PPRC1: variants seen among roughly 807,000 people sequenced by gnomAD.
PPRC1 encodes the protein PPARG related coactivator 1.
Under a neutral mutation model 132.5 loss-of-function variants are expected in PPRC1, and 23 were observed. That is an observed-to-expected ratio of 0.17 (90% confidence interval 0.12 to 0.25). The LOEUF (loss-of-function observed/expected upper bound fraction) is 0.25, where lower values mean the gene tolerates loss of function less well. PPRC1 is among the 10% of genes least tolerant of loss of function. The probability of loss-of-function intolerance (pLI) is 1.00; values close to 1 mark genes in which losing one functional copy is unlikely to be tolerated. For synonymous variants in PPRC1, 872 were observed against 833.5 expected, an observed-to-expected ratio of 1.05 and a Z score of -0.80; for missense variants, 2,006 against 2,089.1, an observed-to-expected ratio of 0.96 and a Z score of 0.78.
chr10:102,139,734 C>A lies in PPRC1; in HGVS notation c.1226C>A (p.Ser409Tyr). The change falls in exon 5 of 14, where the codon TCT (serine) becomes TAT (tyrosine). Residue 409 changes from serine to tyrosine, a missense_variant. By Grantham distance (144) the Ser-to-Tyr change is moderately radical. Around this residue, in one of 2 missense-constraint regions of PPRC1, gnomAD observed 1,914 missense variants for 1,917.2 expected, o/e 1.00. Transcript: ENST00000278070. The part of the protein sequence containing the change: ...EAAVPKVTLC[S>Y]EKEGLSLNSE... ...GCTGTGCCCAAGGTAACCCTCTGCTCTGAGAAAGAGGGGTTGTCATTGAAC... is the reference window on the plus strand; with the variant it reads ...GCTGTGCCCAAGGTAACCCTCTGCTATGAGAAAGAGGGGTTGTCATTGAAC... 6.2e-7 allele frequency: 1 copy of A among 1,614,158 alleles called. No individual in the cohort carries two copies. Among genetic ancestry groups the A allele is most frequent in the Non-Finnish European group, 8.5e-7 (1 of 1,180,046 alleles).
chr10:102,140,225 C>A lies in PPRC1; in HGVS notation c.1717C>A (p.His573Asn). The A allele has an allele frequency of 6.2e-7, 1 of 1,614,220 alleles. No individual in the cohort carries two copies. Among genetic ancestry groups the A allele is most frequent in the Non-Finnish European group, 8.5e-7 (1 of 1,180,036 alleles). The change falls in exon 5 of 14, where the codon CAT (histidine) becomes AAT (asparagine). Residue 573 changes from histidine to asparagine, a missense_variant. This residue lies in a region of PPRC1 where 1,914 missense variants were observed against 1,917.2 expected (regional missense o/e 1.00). Transcript: ENST00000278070. ...TATCCAAACCAATCCTATACCAACC[C>A]ATCTCTCATTGGTCGACTCTGCCCA... Reference protein sequence around the residue: ...DTIQTNPIPTHLSLVDSAQAS... With the variant: ...DTIQTNPIPTNLSLVDSAQAS...
the PPRC1 span, chr10:102,120,529 T>G: frequency 3.5e-6 from 1 of 289,670 alleles, no homozygotes; most frequent in Non-Finnish European, 5.2e-6. Context: ...ATATGCTAAT[T>G]GTCCTGCTAG....
intron 8 of PPRC1, 124 bp downstream of exon 8, chr10:102,145,214 C>T: frequency 2.2e-6 from 2 of 911,214 alleles, no homozygotes; most frequent in Non-Finnish European, 3.3e-6. Context: ...CCTTGAGATA[C>T]TCACAGTCTA....
chr10:102,139,955 T>A lies in PPRC1; in HGVS notation c.1447T>A (p.Ser483Thr), dbSNP rs1564938378. Reference sequence around the variant, plus strand: ...CTATGCCAGGAGGCTGAGGTCATCTTCTCGCGGGCAGTCTACTGTAGGTAC... The same window carrying A: ...CTATGCCAGGAGGCTGAGGTCATCTACTCGCGGGCAGTCTACTGTAGGTAC... ...EGYARRLRSS[S>T]RGQSTVGTEV... Residue 483 changes from serine (S) to threonine (T), a missense_variant, in exon 5 of 14, where the codon TCT (serine) becomes ACT (threonine). Physicochemically the swap from Ser to Thr is moderately conservative, Grantham distance 58 (BLOSUM62 1). This residue lies in a region of PPRC1 where 1,914 missense variants were observed against 1,917.2 expected (regional missense o/e 1.00). Transcript: ENST00000278070. 1 of 1,614,070 alleles carries A rather than the reference T, an allele frequency of 6.2e-7. No individual in the cohort carries two copies.
At chr10:102,131,415 AAGAAAAGGTCC>A (rs1007491645), upstream of PPRC1, among the ~76,000 whole-genome samples, 4 of 152,082 alleles carry the variant, frequency 2.6e-5, no homozygotes, top group African/African-American at 9.7e-5. Flanking sequence ...AAGAACATCT[AAGAAAAGGTCC>A]AGAAAAGGTC....
At chr10:102,126,841 T>G in the PPRC1 span, among the ~76,000 whole-genome samples, 4 of 151,800 alleles carry the variant, frequency 2.6e-5, no homozygotes, top group Admixed American at 6.6e-5. Flanking sequence ...ACTCCTCCCC[T>G]CTTGTCCATT....
Position 102,150,234 on chromosome 10 carries a change from T to G in PPRC1, c.*205T>G. 2 of 487,452 alleles carry G rather than the reference T, an allele frequency of 4.1e-6. No homozygotes were observed. The highest frequency in any genetic ancestry group is 7.5e-6 in the Non-Finnish European group (2 of 267,620). 30.2% of individuals were successfully genotyped at this position (487,452 alleles called of 1,614,324 possible). ...TAACAGGTATTGAAACAAGTTAACT[T>G]GCATTCCTATGTAAGATAGGAGGGG... On this transcript the variant is annotated 3_prime_UTR_variant, in exon 14 of 14. Transcript: ENST00000278070.
At position 102,141,204 on chromosome 10, in the gene PPRC1, C is replaced by T. The variant is rs1225819407; in HGVS notation, c.2696C>T (p.Pro899Leu). 6.2e-6 allele frequency: 10 copies of T among 1,614,082 alleles called. No homozygotes were observed. Among genetic ancestry groups the T allele is most frequent in the African/African-American group, 1.3e-5 (1 of 75,034 alleles). ...PPSLPPPPLQ[P>L]PSLPLSMGPV... ...AGTCTGCCCCCACCTCCCTTGCAGC[C>T]TCCTAGTCTTCCATTGTCTATGGGG... The change falls in exon 5 of 14, where the codon CCT (proline) becomes CTT (leucine). Residue 899 changes from proline (P) to leucine (L), a missense_variant. Pro to Leu is a moderately conservative substitution (Grantham distance 98). This residue lies in a region of PPRC1 where 1,914 missense variants were observed against 1,917.2 expected (regional missense o/e 1.00). Transcript: ENST00000278070.
rs777732575 is a variant in PPRC1 at position 102,145,002 on chromosome 10, CT to C, written c.3609-14del. On this transcript the variant is annotated splice_polypyrimidine_tract_variant and intron_variant, in intron 7 of 13. Coordinates refer to ENST00000278070, the MANE Select transcript of PPRC1 (RefSeq NM_015062.5). ...GAGAAGGCAATGAATCAGGCTTTCC[CT>C]TTTCCCCCCCCGCCAGCGGCGTTGA... 2.5e-5 allele frequency: 37 copies of C among 1,466,948 alleles called. No homozygotes were observed. The highest frequency in any genetic ancestry group is 7.0e-5 in the East Asian group (3 of 42,956). 90.9% of individuals were successfully genotyped at this position (1,466,948 alleles called of 1,614,324 possible).
intron 1 of PPRC1, among the ~76,000 whole-genome samples, chr10:102,133,688 C>T (rs2133582496): frequency 6.6e-6 from 1 of 151,858 alleles, no homozygotes. Context: ...GGCAGCGGGT[C>T]CACGTGGGGG....
At chr10:102,142,282 T>C (rs1336757909) in intron 5 of PPRC1, among the ~76,000 whole-genome samples, 2 of 135,196 alleles carry the variant, frequency 1.5e-5, no homozygotes, top group African/African-American at 4.9e-5. Flanking sequence ...TTTCTATTTT[T>C]AGTAGAGACG....
chr10:102,141,326 C>T lies in PPRC1; in HGVS notation c.2818C>T (p.Pro940Ser). The T allele has an allele frequency of 6.2e-7, 1 of 1,614,104 alleles. No individual in the cohort carries two copies. The highest frequency in any genetic ancestry group is 8.5e-7 in the Non-Finnish European group (1 of 1,179,962). Reference protein sequence around the residue: ...SPSGYPCLPPPPTVPLVSGTP... With the variant: ...SPSGYPCLPPSPTVPLVSGTP... The stretch of plus-strand genomic sequence containing the variant: ...TTCTGGCTATCCTTGCCTGCCCCCC[C>T]CACCAACGGTGCCCCTAGTGTCTGG... The change falls in exon 5 of 14, where the codon CCA (proline) becomes TCA (serine). Residue 940 changes from proline to serine, a missense_variant. By Grantham distance (74) the Pro-to-Ser change is moderately conservative (BLOSUM62 -1). Around this residue, in one of 2 missense-constraint regions of PPRC1, gnomAD observed 1,914 missense variants for 1,917.2 expected, o/e 1.00. Coordinates refer to ENST00000278070, the MANE Select transcript of PPRC1 (RefSeq NM_015062.5).
In PPRC1 at chr10:102,139,662, C is replaced by G. The variant is rs2068867000; in HGVS notation, c.1154C>G (p.Ser385Cys). Residue 385 changes from serine (S) to cysteine (C), a missense_variant, in exon 5 of 14, where the codon TCT becomes TGT. Around this residue, in one of 2 missense-constraint regions of PPRC1, gnomAD observed 1,914 missense variants for 1,917.2 expected, o/e 1.00. Transcript: ENST00000278070. ...VLLDDSLETSSALQLLMPTLE... is the reference protein window; with the variant it reads ...VLLDDSLETSCALQLLMPTLE... ...CTGGATGACTCGCTAGAGACTAGTT[C>G]TGCCTTGCAGCTGCTTATGCCTACA... 1 of 1,614,062 alleles carries G rather than the reference C, an allele frequency of 6.2e-7. No homozygotes were observed. The highest frequency in any genetic ancestry group is 8.5e-7 in the Non-Finnish European group (1 of 1,180,036).
rs182184460 is a variant in PPRC1, at chr10:102,140,597, G to A, written c.2089G>A (p.Ala697Thr). 1.5e-5 allele frequency: 24 copies of A among 1,614,020 alleles called. No homozygotes were observed. The Admixed American group carries it at 1.7e-4, about 11-fold the overall frequency. Residue 697 changes from alanine to threonine, a missense_variant, in exon 5 of 14, where the codon GCA becomes ACA. Around this residue, in one of 2 missense-constraint regions of PPRC1, gnomAD observed 1,914 missense variants for 1,917.2 expected, o/e 1.00. Coordinates refer to ENST00000278070, the MANE Select transcript of PPRC1 (RefSeq NM_015062.5). Reference protein sequence around the residue: ...KSRPTDPRRGAVSSALGGSAP... With the variant: ...KSRPTDPRRGTVSSALGGSAP... The stretch of plus-strand genomic sequence containing the variant: ...CAGACCAACTGATCCCAGACGTGGT[G>A]CAGTGTCATCAGCCCTGGGGGGTTC...
chr10:102,133,492 G>T (rs1328093423), intron 1 of PPRC1, among the ~76,000 whole-genome samples: 1 of 152,154 alleles, frequency 6.6e-6, no homozygotes, highest in East Asian at 1.9e-4. Context: ...CGGACTTGGG[G>T]TCGAAGGCTG....
intron 6 of PPRC1, 125 bp from the exon 7 acceptor site, chr10:102,144,125 A>C (rs1204545669): frequency 1.2e-6 from 1 of 861,078 alleles, no homozygotes; most frequent in East Asian, 2.4e-5. Flanking sequence ...CTCTTTGGGG[A>C]GATCCCAACA....
At chr10:102,124,738 GC>G in the PPRC1 span, among the ~76,000 whole-genome samples, 1 of 151,744 alleles carries the variant, frequency 6.6e-6, no homozygotes, top group South Asian at 2.1e-4. Flanking sequence ...AAACTTCTGG[GC>G]TTAAGCAGTT....
the PPRC1 span, among the ~76,000 whole-genome samples, chr10:102,124,355 G>A: frequency 3.3e-5 from 5 of 151,756 alleles, no homozygotes; most frequent in East Asian, 3.9e-4. Flanking sequence ...GAGCCACCGC[G>A]CCCGGCCTTC....
intron 8 of PPRC1, 133 bp from the exon 9 acceptor site, chr10:102,146,539 A>G: frequency 7.7e-7 from 1 of 1,290,806 alleles, no homozygotes; most frequent in African/African-American, 1.5e-5. Flanking sequence ...AGCAGTGGGA[A>G]AAGTTGGGCT....
Sources: gnomAD v4.1 joint callset for allele counts (sites outside exome capture counted in the v4.1 genomes callset) on GRCh38, gnomAD v4.1.1 for gene constraint, gnomAD v4.1.1 regional missense constraint, MANE v1.5 for transcripts, NCBI Gene and HGNC (gene_info 2026-07-23, HGNC 2026-07-21) for gene names.